The following CNTN4 variants were observed in gnomAD, a reference collection of about 807,000 sequenced individuals.
CNTN4 encodes the protein contactin 4, also known as contactin-4.
Under a neutral mutation model 122.5 loss-of-function variants are expected in CNTN4, and 77 were observed. The observed-to-expected ratio is 0.63, with a 90% CI of 0.52 to 0.76. The LOEUF is 0.76. Ranked by LOEUF, CNTN4 falls within the 30% of genes least tolerant of loss-of-function variation. CNTN4 has a pLI of 0.00. For synonymous variants in CNTN4, 512 were observed against 447.0 expected (o/e 1.15, Z -1.83); for missense variants, 1,256 against 1,259.1 (o/e 1.00, Z 0.04).
chr3:2,464,401 C>T (rs897419123), intron 3 of CNTN4, among the ~76,000 whole-genome samples: 3 of 152,202 alleles, frequency 2.0e-5, no homozygotes, highest in Non-Finnish European at 4.4e-5. Context: ...GTGTAACTCC[C>T]TCTACCTGAA....
In CNTN4 at chr3:2,551,102, A is replaced by T. The variant is rs188061157; in HGVS notation, c.-88-20314A>T. On this transcript the variant is annotated intron_variant, in intron 3 of 24. Transcript: ENST00000418658. ...TGTATCCCAGAACTTAAAATATAAT[A>T]AAAAAAAAATGCCAGGCGTAAAGCA... 5.5e-3 allele frequency among the ~76,000 whole-genome samples: 816 copies of T among 147,944 alleles called. 3 individuals are homozygous for T. The highest frequency in any genetic ancestry group is 8.8e-3 in the Non-Finnish European group (587 of 66,400).
chr3:2,614,855 A>G (rs1307811406), intron 4 of CNTN4, among the ~76,000 whole-genome samples: 1 of 152,138 alleles, frequency 6.6e-6, no homozygotes, highest in Non-Finnish European at 1.5e-5. Context: ...TCATCTGCAT[A>G]TAAAAAAGCA....
At chr3:2,510,883 T>G (rs148768044) in intron 3 of CNTN4, among the ~76,000 whole-genome samples, 281 of 152,106 alleles carry the variant, frequency 1.8e-3, no homozygotes, top group African/African-American at 6.3e-3. Context: ...ATATCACCAG[T>G]TCCTTTTAGA....
rs989512187 is a variant in CNTN4 at position 2,841,866 on chromosome 3, A to C, written c.454+22285A>C. ...TCCTAGGAGTAGGATCTAATCTTTT[A>C]TATCACAGTAAGAAGCTGATCAAAG... On this transcript the variant is annotated intron_variant, in intron 7 of 24. Coordinates refer to ENST00000418658, the MANE Select transcript of CNTN4 (RefSeq NM_175607.3). This position sits in a 1 kb window ranked among gnomAD's most constrained non-coding sequence, Gnocchi z 4.8. Among the ~76,000 whole-genome samples the C allele has an allele frequency of 6.7e-6, 1 of 149,962 alleles. No homozygotes were observed. Among genetic ancestry groups the C allele is most frequent in the Non-Finnish European group, 1.5e-5 (1 of 68,038 alleles).
chr3:2,499,892 C>A (rs995658294), intron 3 of CNTN4, among the ~76,000 whole-genome samples: 1 of 151,926 alleles, frequency 6.6e-6, no homozygotes, highest in Non-Finnish European at 1.5e-5. Context: ...TTACTTAGTT[C>A]TTCTTTTATT....
At position 2,988,325 on chromosome 3, in the gene CNTN4, T is replaced by C; in HGVS notation, c.1359-20T>C. 1.9e-6 allele frequency: 3 copies of C among 1,612,642 alleles called. No homozygotes were observed. The highest frequency in any genetic ancestry group is 2.5e-6 in the Non-Finnish European group (3 of 1,178,864). ...ATGAGATAAATTTCACCATTTTTGG[T>C]TCATTTACTTTGATTTCAGAATTAC... On this transcript the variant is annotated intron_variant, in intron 13 of 24. Transcript: ENST00000418658.
At chr3:2,623,095 A>G (rs527918843) in intron 4 of CNTN4, among the ~76,000 whole-genome samples, 1 of 152,356 alleles carries the variant, frequency 6.6e-6, no homozygotes, top group African/African-American at 2.4e-5. Context: ...AATGCTGCAA[A>G]GCATTATAGA....
At chr3:2,660,698 G>C (rs150021351) in intron 4 of CNTN4, among the ~76,000 whole-genome samples, 1 of 152,346 alleles carries the variant, frequency 6.6e-6, no homozygotes, top group African/African-American at 2.4e-5. Flanking sequence ...CTCCACCAGA[G>C]GTGATAATCT....
intron 2 of CNTN4, among the ~76,000 whole-genome samples, chr3:2,163,340 A>G (rs1316979447): frequency 6.6e-6 from 1 of 152,184 alleles, no homozygotes; most frequent in Non-Finnish European, 1.5e-5. Flanking sequence ...CTCACCTTAT[A>G]CAAAAATCAA....
At chr3:2,292,235 A>G (rs1250627080) in intron 2 of CNTN4, among the ~76,000 whole-genome samples, 2 of 152,180 alleles carry the variant, frequency 1.3e-5, no homozygotes, top group Non-Finnish European at 2.9e-5. Flanking sequence ...TAATAGTGTT[A>G]TATTTATAAG....
chr3:2,627,746 G>C (rs1310733894), intron 4 of CNTN4, among the ~76,000 whole-genome samples: 1 of 152,042 alleles, frequency 6.6e-6, no homozygotes, highest in Non-Finnish European at 1.5e-5. Context: ...GCCCGCCTCG[G>C]CCTCCCAAAG....
chr3:2,461,637 C>G (rs1196045844), intron 3 of CNTN4, among the ~76,000 whole-genome samples: 1 of 152,210 alleles, frequency 6.6e-6, no homozygotes. Flanking sequence ...AGCCCAGGCT[C>G]TTAAGTGACT....
At chr3:2,585,487 C>T (rs560917148) in intron 4 of CNTN4, among the ~76,000 whole-genome samples, 1 of 152,232 alleles carries the variant, frequency 6.6e-6, no homozygotes, top group South Asian at 2.1e-4. Context: ...GGCACATGTA[C>T]ACCATGGAAT....
At chr3:2,199,648 A>G (rs1276743868) in intron 2 of CNTN4, among the ~76,000 whole-genome samples, 1 of 152,198 alleles carries the variant, frequency 6.6e-6, no homozygotes. Context: ...GATGAACAAA[A>G]TAGTCAAAAT....
chr3:2,422,049 C>T (rs1033851873), intron 3 of CNTN4, among the ~76,000 whole-genome samples: 13 of 152,094 alleles, frequency 8.5e-5, no homozygotes, highest in Admixed American at 4.6e-4. Flanking sequence ...ATAAGTTTAT[C>T]TTTCCGTACT....
At chr3:2,480,488 A>T (rs1301450727) in intron 3 of CNTN4, among the ~76,000 whole-genome samples, 2 of 152,232 alleles carry the variant, frequency 1.3e-5, no homozygotes, top group Non-Finnish European at 2.9e-5. Flanking sequence ...ACCAACTGGA[A>T]CTTGAAAATA....
intron 3 of CNTN4, among the ~76,000 whole-genome samples, chr3:2,424,286 A>T (rs200612488): frequency 1.5e-5 from 2 of 134,872 alleles, no homozygotes; most frequent in African/African-American, 2.8e-5. Flanking sequence ...TCACTGTTCA[A>T]TTCCCACCTA....
intron 6 of CNTN4, among the ~76,000 whole-genome samples, chr3:2,751,375 C>G (rs983925737): frequency 6.6e-6 from 1 of 151,958 alleles, no homozygotes; most frequent in Admixed American, 6.6e-5. Context: ...CAAACAAGCC[C>G]TCAAAGTTCG....
At chr3:2,391,438 T>C (rs990844182) in intron 3 of CNTN4, among the ~76,000 whole-genome samples, 1 of 152,182 alleles carries the variant, frequency 6.6e-6, no homozygotes, top group African/African-American at 2.4e-5. Context: ...CAGAGAAAGA[T>C]GGAAAAGCTT....
Sources: allele counts gnomAD v4.1 joint callset (sites outside exome capture counted in the v4.1 genomes callset), GRCh38; gene constraint gnomAD v4.1.1; non-coding constraint Gnocchi (gnomAD v3.1); transcripts MANE v1.5; gene names NCBI Gene and HGNC (gene_info 2026-07-23, HGNC 2026-07-21).